Variants in SEC16A observed in about 807,000 individuals in gnomAD.
SEC16A encodes the protein SEC16 homolog A, endoplasmic reticulum export factor, also known as protein transport protein Sec16A.
SEC16A carries 110 observed loss-of-function variants against 221.9 expected under a neutral mutation model. The ratio of observed to expected loss-of-function variants is 0.50; its 90% CI spans 0.42 to 0.58. SEC16A has a LOEUF of 0.58. Among genes scored for constraint, SEC16A ranks in the 20% least tolerant of loss-of-function variants. SEC16A has a pLI of 0.00. For missense variants in SEC16A, 3,165 were observed against 3,097.8 expected (o/e 1.02, Z -0.52); for synonymous variants, 1,393 against 1,257.7 (o/e 1.11, Z -2.28).
At chr9:136,445,504 G>A (rs1047577910) in intron 29 of SEC16A, 141 bp downstream of exon 29, 1 of 683,806 alleles carries the variant, frequency 1.5e-6, no homozygotes, top group Non-Finnish European at 2.5e-6. Context: ...TTTCCCCCAG[G>A]AACACCACCT....
intron 22 of SEC16A, among the ~76,000 whole-genome samples, chr9:136,451,971 G>A (rs983325718): frequency 3.7e-4 from 56 of 152,186 alleles, no homozygotes; most frequent in Admixed American, 6.5e-5. Flanking sequence ...AATGCGGTCT[G>A]TATAAAAGCA....
intron 18 of SEC16A, 24 bp downstream of exon 18, chr9:136,457,420 G>T (rs374160972): frequency 6.3e-7 from 1 of 1,586,358 alleles, no homozygotes; most frequent in Middle Eastern, 1.7e-4. Flanking sequence ...ACAGCATCCC[G>T]AGGACAGGCG....
In SEC16A at chr9:136,447,400, G is replaced by A. The variant is rs367851652; in HGVS notation, c.6560-36C>T. The A allele has an allele frequency of 6.2e-5, 98 of 1,587,112 alleles. No individual in the cohort carries two copies. The African/African-American group carries it at 8.8e-4, about 14-fold the overall frequency. On this transcript the variant is annotated intron_variant, in intron 26 of 31. Transcript: ENST00000684901. The surrounding 1 kb of genome is among the most constrained non-coding windows in gnomAD (Gnocchi z 5.5). The stretch of plus-strand genomic sequence containing the variant: ...GAGGGAAGCAAATTGAGGTGAACGC[G>A]CCAGGTGGCCTCCAGCTTCCAAATG...
rs374930027 is a variant in SEC16A at position 136,453,491 on chromosome 9, C to T, written c.6096G>A (p.Ala2032=). The T allele has an allele frequency of 7.9e-5, 128 of 1,613,206 alleles. No homozygotes were observed. The highest frequency in any genetic ancestry group is 1.5e-4 in the Admixed American group (9 of 60,008). ...GCTCGGAAAGTGAGTTTCCAACAGG[C>T]GCCTCCTGCGGCACTATCCCTGTCA... ...SPDPGIVPQE[A]PVGNSLSELS... The change falls in exon 22 of 32, where the codon GCG becomes GCA. Residue 2032 remains alanine (A), a synonymous_variant. Coordinates refer to ENST00000684901, the MANE Select transcript of SEC16A (RefSeq NM_014866.2).
In SEC16A at chr9:136,451,282, T is replaced by G. The variant is rs753052677; in HGVS notation, c.6286A>C (p.Lys2096Gln). 1.2e-6 allele frequency: 2 copies of G among 1,612,914 alleles called. No individual in the cohort carries two copies. The highest frequency in any genetic ancestry group is 1.7e-5 in the Admixed American group (1 of 59,816). The change falls in exon 23 of 32, where the codon AAG becomes CAG. Residue 2096 changes from lysine to glutamine, a missense_variant. Lys to Gln is a moderately conservative substitution (Grantham distance 53). Coordinates refer to ENST00000684901, the MANE Select transcript of SEC16A (RefSeq NM_014866.2). ...TTCTTAGGTTCCTTCGTTTCTTTCT[T>G]GGCTGCCTGTCCGGGTCTCTTTGTT... ...PETKRPGQAA[K>Q]KETKEPKKGE...
At position 136,476,891 on chromosome 9, in the gene SEC16A, G is replaced by A. The variant is rs772213098; in HGVS notation, c.725C>T (p.Pro242Leu). Residue 242 changes from proline to leucine, a missense_variant, in exon 3 of 32, where the codon CCC (proline) becomes CTC (leucine). Around this residue, in one of 3 missense-constraint regions of SEC16A, gnomAD observed 2,030 missense variants for 1,923.1 expected, o/e 1.06. Transcript: ENST00000684901. ...CPEGPVPSGV[P>L]CATSVPHFPT... is the part of the protein sequence containing the mutation. Reference sequence around the variant, plus strand: ...GAAATGAGGAACGCTGGTGGCACAGGGCACCCCGCTGGGAACAGGTCCTTC... The same window carrying A: ...GAAATGAGGAACGCTGGTGGCACAGAGCACCCCGCTGGGAACAGGTCCTTC... 1.2e-6 allele frequency: 2 copies of A among 1,611,568 alleles called. No homozygotes were observed. The highest frequency in any genetic ancestry group is 2.2e-5 in the East Asian group (1 of 44,880).
rs571966831 is a variant in SEC16A, at chr9:136,441,673, C to T, written c.*82G>A. On this transcript the variant is annotated 3_prime_UTR_variant, in exon 32 of 32. Transcript: ENST00000684901. ...CTGCTGTGTCTCCCTGGGGGCGGGA[C>T]GGAGATCGCGGAGGTCGGTCGGGTT... 629 of 1,254,796 alleles carry T rather than the reference C, an allele frequency of 5.0e-4. 1 individual carries two copies. The highest frequency in any genetic ancestry group is 6.5e-4 in the Non-Finnish European group (558 of 861,680). 77.7% of individuals were successfully genotyped at this position (1,254,796 alleles called of 1,614,324 possible).
At chr9:136,483,540 G>A, upstream of SEC16A, 1 of 985,056 alleles carries the variant, frequency 1.0e-6, no homozygotes, top group Non-Finnish European at 1.2e-6. Context: ...CACCTGCCCG[G>A]CCAGGCGCGC....
rs752903388 is a variant in SEC16A at position 136,463,595 on chromosome 9, G to A, written c.4515C>T (p.Asp1505=). Residue 1505 remains aspartate (D), a synonymous_variant, in exon 11 of 32, where the codon GAC becomes GAT. Coordinates refer to ENST00000684901, the MANE Select transcript of SEC16A (RefSeq NM_014866.2). The part of the protein sequence containing the change: ...RAFPGPLAKD[D]THKVDVINFA... ...AATTAATGACATCCACCTTATGGGT[G>A]TCGTCTCTGCAGAAAGAACACACAG... 3.7e-6 allele frequency: 6 copies of A among 1,613,698 alleles called. No homozygotes were observed. In the East Asian group the frequency reaches 8.9e-5, roughly 24 times the overall value.
Position 136,460,116 on chromosome 9 carries a change from T to C in SEC16A, c.4999A>G (p.Asn1667Asp), listed in dbSNP as rs538682216. 13 of 1,603,950 alleles carry C rather than the reference T, an allele frequency of 8.1e-6. No homozygotes were observed. Among genetic ancestry groups the C allele is most frequent in the South Asian group, 1.1e-5 (1 of 89,214 alleles). Residue 1667 changes from asparagine to aspartate, a missense_variant, in exon 14 of 32, where the codon AAC becomes GAC. Around this residue, in one of 3 missense-constraint regions of SEC16A, gnomAD observed 1,088 missense variants for 1,089.6 expected, o/e 1.00. Transcript: ENST00000684901. ...AGAGGGTCGTTGATTGGGAGGCTGT[T>C]AGCAAACCTAGGCAGACATAAACAC... ...THARVMTRFA[N>D]SLPINDPLQT...
chr9:136,467,259 A>G (rs1278543640), intron 5 of SEC16A, among the ~76,000 whole-genome samples, 176 bp from the exon 6 acceptor site: 2 of 152,250 alleles, frequency 1.3e-5, no homozygotes, highest in Non-Finnish European at 2.9e-5. Context: ...GGAGGGCCCT[A>G]GCTACCTAAA....
At chr9:136,472,330 C>T (rs1041557547) in intron 3 of SEC16A, among the ~76,000 whole-genome samples, 2 of 152,252 alleles carry the variant, frequency 1.3e-5, no homozygotes, top group African/African-American at 2.4e-5. Context: ...CACAGACCTC[C>T]AAAGCACAGC....
chr9:136,440,922 C>T lies in SEC16A; in HGVS notation c.*833G>A, dbSNP rs1361144716. The T allele has an allele frequency of 1.3e-5, 2 of 152,274 alleles. No homozygotes were observed. Among genetic ancestry groups the T allele is most frequent in the African/African-American group, 2.4e-5 (1 of 41,426 alleles). The allele number at this position is 152,274 out of a possible 1,614,324, so 9.4% of individuals were successfully genotyped here. A position where few individuals can be genotyped will look rare whatever the true frequency, so the allele number is the denominator to read the frequency against. On this transcript the variant is annotated 3_prime_UTR_variant, in exon 32 of 32. Transcript: ENST00000684901. Reference sequence around the variant, plus strand: ...CGTGCTCCTACACACGAAATGAAGCCCAAATCAAACATCACACGGTCAGTT... The same window carrying T: ...CGTGCTCCTACACACGAAATGAAGCTCAAATCAAACATCACACGGTCAGTT...
At chr9:136,472,247 G>T (rs1372507879) in intron 3 of SEC16A, 136 bp from the exon 4 acceptor site, 2 of 992,108 alleles carry the variant, frequency 2.0e-6, no homozygotes. Flanking sequence ...CCAACAACCA[G>T]CCTGAGCTAG....
At position 136,447,198 on chromosome 9, in the gene SEC16A, C is replaced by G. The variant is rs1837120862; in HGVS notation, c.6697+29G>C. Reference sequence around the variant, plus strand: ...AAAGGTCAGGAGACTGGGGGCTGACCTGGAGGGGCTGGTGCTCGTGCTACC... The same window carrying G: ...AAAGGTCAGGAGACTGGGGGCTGACGTGGAGGGGCTGGTGCTCGTGCTACC... On this transcript the variant is annotated intron_variant, in intron 27 of 31. Transcript: ENST00000684901. This position sits in a 1 kb window ranked among gnomAD's most constrained non-coding sequence, Gnocchi z 5.5. 1.9e-6 allele frequency: 3 copies of G among 1,579,286 alleles called. No homozygotes were observed. Among genetic ancestry groups the G allele is most frequent in the African/African-American group, 1.3e-5 (1 of 74,234 alleles).
At position 136,466,295 on chromosome 9, in the gene SEC16A, C is replaced by T. The variant is rs1024033674; in HGVS notation, c.4097G>A (p.Arg1366His). 1.9e-5 allele frequency: 30 copies of T among 1,571,576 alleles called. 1 individual carries two copies. The highest frequency in any genetic ancestry group is 4.6e-5 in the South Asian group (4 of 87,490). The change falls in exon 7 of 32, where the codon CGC (arginine) becomes CAC (histidine). Residue 1366 changes from arginine to histidine, a missense_variant. Physicochemically the swap from Arg to His is conservative, Grantham distance 29 (BLOSUM62 0). Around this residue, in one of 3 missense-constraint regions of SEC16A, gnomAD observed 2,030 missense variants for 1,923.1 expected, o/e 1.06. Coordinates refer to ENST00000684901, the MANE Select transcript of SEC16A (RefSeq NM_014866.2). The surrounding 1 kb of genome is among the most constrained non-coding windows in gnomAD (Gnocchi z 5.5). ...CGAGTGGGAGCTGAGGCTGCTGCGG[C>T]GGCTGGCCAGGCTGTGTGCGCTGTG... ...SLHSAHSLAS[R>H]RSSLSSHSHQ...
Position 136,474,926 on chromosome 9 carries a change from G to A in SEC16A, c.2690C>T (p.Ser897Phe). 1 of 1,613,894 alleles carries A rather than the reference G, an allele frequency of 6.2e-7. No individual in the cohort carries two copies. Among genetic ancestry groups the A allele is most frequent in the Non-Finnish European group, 8.5e-7 (1 of 1,179,890 alleles). ...GIPTSSVLSL[S>F]LPSSVAQSNF... The stretch of plus-strand genomic sequence containing the variant: ...ACTTTGGGCAACACTGCTAGGCAGA[G>A]ACAAGCTAAGGACAGAGCTGGTTGG... Residue 897 changes from serine to phenylalanine, a missense_variant, in exon 3 of 32, where the codon TCT becomes TTT. Physicochemically the swap from Ser to Phe is radical, Grantham distance 155. This residue lies in a region of SEC16A where 2,030 missense variants were observed against 1,923.1 expected (regional missense o/e 1.06). Transcript: ENST00000684901.
rs752009736 is a variant in SEC16A at position 136,476,224 on chromosome 9, A to G, written c.1392T>C (p.Phe464=). 1.1e-5 allele frequency: 17 copies of G among 1,613,758 alleles called. 1 individual carries two copies. In the South Asian group the frequency reaches 1.9e-4, roughly 18 times the overall value. ...TTGGCAGAACTTCTTGATTCTGAACAAATTCTAAGTTCTCAACATTCTCAT... is the reference window on the plus strand; with the variant it reads ...TTGGCAGAACTTCTTGATTCTGAACGAATTCTAAGTTCTCAACATTCTCAT... ...SQYENVENLE[F]VQNQEVLPSE... The change falls in exon 3 of 32, where the codon TTT becomes TTC. Residue 464 remains phenylalanine, a synonymous_variant. Coordinates refer to ENST00000684901, the MANE Select transcript of SEC16A (RefSeq NM_014866.2).
chr9:136,450,493 A>G (rs562628825), intron 23 of SEC16A, among the ~76,000 whole-genome samples: 1 of 118,586 alleles, frequency 8.4e-6, no homozygotes, highest in East Asian at 2.7e-4. Flanking sequence ...AAAAAAAAAC[A>G]ACGGATAGAG....
Sources: gnomAD v4.1 joint callset for allele counts (sites outside exome capture counted in the v4.1 genomes callset) on GRCh38, gnomAD v4.1.1 for gene constraint, gnomAD v4.1.1 regional missense constraint, Gnocchi (gnomAD v3.1) non-coding constraint, MANE v1.5 for transcripts, NCBI Gene and HGNC (gene_info 2026-07-23, HGNC 2026-07-21) for gene names.